The following EFEMP1 variants were observed in gnomAD, a reference collection of about 807,000 sequenced individuals.
The protein encoded by EFEMP1 is EGF-like fibulin extracellular matrix protein 1.
Under a neutral mutation model 65.7 loss-of-function variants are expected in EFEMP1, and 18 were observed. The observed-to-expected ratio is 0.27, with a 90% confidence interval of 0.19 to 0.41. The LOEUF is 0.41. Ranked by LOEUF, EFEMP1 falls within the 10% of genes least tolerant of loss-of-function variation. EFEMP1 has a pLI of 1.00. For synonymous variants in EFEMP1, 237 were observed against 219.7 expected (o/e 1.08, Z -0.70); for missense variants, 469 against 624.8 (o/e 0.75, Z 2.66).
chr2:55,867,270 A>C lies in EFEMP1; in HGVS notation c.1321-36T>G, dbSNP rs776479514. On this transcript the variant is annotated intron_variant, in intron 11 of 11. Coordinates refer to ENST00000355426, the MANE Select transcript of EFEMP1 (RefSeq NM_001039348.3). This position sits in a 1 kb window ranked among gnomAD's most constrained non-coding sequence, Gnocchi z 4.3. Reference sequence around the variant, plus strand: ...AGAAAATAGAGAAAGGAAGAGAATAATTTTCTTGGATTGGAGTTTCTATGC... The same window carrying C: ...AGAAAATAGAGAAAGGAAGAGAATACTTTTCTTGGATTGGAGTTTCTATGC... 18 of 1,603,010 alleles carry C rather than the reference A, an allele frequency of 1.1e-5. No homozygotes were observed. The highest frequency in any genetic ancestry group is 1.4e-5 in the Non-Finnish European group (16 of 1,173,922).
In EFEMP1 at chr2:55,917,813, A is replaced by T; in HGVS notation, c.369T>A (p.Ala123=). ...TCTGCATTTCAGGGCCTGCGACTGC[A>T]GCAGCACTGGCCACAAAACCACCCC... The part of the protein sequence containing the change: ...LPGGGFVASA[A]AVAGPEMQTG... The change falls in exon 5 of 12, where the codon GCT becomes GCA. Residue 123 remains alanine, a synonymous_variant. Coordinates refer to ENST00000355426, the MANE Select transcript of EFEMP1 (RefSeq NM_001039348.3). This position sits in a 1 kb window ranked among gnomAD's most constrained non-coding sequence, Gnocchi z 6.3. 2 of 1,614,224 alleles carry T rather than the reference A, an allele frequency of 1.2e-6. No homozygotes were observed. Among genetic ancestry groups the T allele is most frequent in the Non-Finnish European group, 1.7e-6 (2 of 1,180,036 alleles).
chr2:55,883,425 G>A lies in EFEMP1; in HGVS notation c.518-1691C>T, dbSNP rs534196961. ...ACTTGATGAAAACCTTTTTACTGGG[G>A]TTTCTTCAGAGCTTTATGACTCGTT... is the stretch of plus-strand genomic sequence containing the variant. On this transcript the variant is annotated intron_variant, in intron 5 of 11. Coordinates refer to ENST00000355426, the MANE Select transcript of EFEMP1 (RefSeq NM_001039348.3). This position sits in a 1 kb window ranked among gnomAD's most constrained non-coding sequence, Gnocchi z 4.5. Among the ~76,000 whole-genome samples the A allele has an allele frequency of 3.9e-4, 59 of 152,270 alleles. No homozygotes were observed. Among genetic ancestry groups the A allele is most frequent in the African/African-American group, 1.4e-3 (57 of 41,556 alleles).
chr2:55,888,482 C>T (rs547387705), intron 5 of EFEMP1, among the ~76,000 whole-genome samples: 5 of 151,876 alleles, frequency 3.3e-5, no homozygotes, highest in Admixed American at 6.5e-5. Context: ...GGATTACAGG[C>T]GCCCACCACC....
rs1668762454 is a variant in EFEMP1 at position 55,870,527 on chromosome 2, T to G, written c.1320+193A>C. Among the ~76,000 whole-genome samples, 1 of 152,108 alleles carries G rather than the reference T, an allele frequency of 6.6e-6. No individual in the cohort carries two copies. Among genetic ancestry groups the G allele is most frequent in the Non-Finnish European group, 1.5e-5 (1 of 68,008 alleles). On this transcript the variant is annotated intron_variant, in intron 11 of 11. Coordinates refer to ENST00000355426, the MANE Select transcript of EFEMP1 (RefSeq NM_001039348.3). The surrounding 1 kb of genome is among the most constrained non-coding windows in gnomAD (Gnocchi z 5.8). ...TAAAAAATGGAGATGAATATTAATA[T>G]CTATCTGGCAGTGTTACCAAGAGGA...
chr2:55,903,358 T>A (rs1021349415), intron 5 of EFEMP1, among the ~76,000 whole-genome samples: 2 of 152,212 alleles, frequency 1.3e-5, no homozygotes, highest in Non-Finnish European at 2.9e-5. Flanking sequence ...TTTGACTCTA[T>A]CCAGATTATA....
intron 5 of EFEMP1, among the ~76,000 whole-genome samples, chr2:55,909,682 GT>G (rs1670409537): frequency 3.3e-5 from 5 of 152,106 alleles, no homozygotes; most frequent in Non-Finnish European, 5.9e-5. Flanking sequence ...CTGAGAACAC[GT>G]TTTCTTTTTC....
intron 6 of EFEMP1, among the ~76,000 whole-genome samples, chr2:55,878,599 A>C (rs757977728): frequency 4.9e-4 from 74 of 152,292 alleles, no homozygotes; most frequent in Non-Finnish European, 1.6e-4. Context: ...GGCATGTGTA[A>C]TTTAAAACAA....
At chr2:55,887,391 C>G (rs1226829930) in intron 5 of EFEMP1, among the ~76,000 whole-genome samples, 3 of 152,154 alleles carry the variant, frequency 2.0e-5, no homozygotes, top group Admixed American at 6.5e-5. Flanking sequence ...CGTCTTTCTT[C>G]TACTTAGAAT....
At chr2:55,909,093 T>C (rs960993) in intron 5 of EFEMP1, among the ~76,000 whole-genome samples, 45,224 of 152,026 alleles carry the variant, frequency 0.3, 8,318 homozygotes, top group African/African-American at 0.52. Context: ...CAGTCTCTTT[T>C]AATAATTACT....
intron 11 of EFEMP1, among the ~76,000 whole-genome samples, chr2:55,868,038 T>G (rs1421704195): frequency 2.0e-5 from 3 of 152,218 alleles, no homozygotes; most frequent in Admixed American, 2.0e-4. Flanking sequence ...GGCTACTTGT[T>G]ATATACTCAT....
chr2:55,899,794 A>G (rs956376405), intron 5 of EFEMP1, among the ~76,000 whole-genome samples: 1 of 152,224 alleles, frequency 6.6e-6, no homozygotes, highest in Non-Finnish European at 1.5e-5. Flanking sequence ...CTCTGCTGCA[A>G]CACATTCACA....
rs182929568 is a variant in EFEMP1, at chr2:55,894,986, C to T, written c.518-13252G>A. 1.4e-3 allele frequency among the ~76,000 whole-genome samples: 210 copies of T among 152,348 alleles called. 1 individual carries two copies. Among genetic ancestry groups the T allele is most frequent in the Admixed American group, 0.013 (198 of 15,306 alleles). On this transcript the variant is annotated intron_variant, in intron 5 of 11. Coordinates refer to ENST00000355426, the MANE Select transcript of EFEMP1 (RefSeq NM_001039348.3). ...TTTTGCATTTGCCCCTGAGACCATT[C>T]TTCCAACTTGAGAACTCTGACTGCT...
At chr2:55,889,311 T>C (rs1669546024) in intron 5 of EFEMP1, among the ~76,000 whole-genome samples, 1 of 152,230 alleles carries the variant, frequency 6.6e-6, no homozygotes, top group African/African-American at 2.4e-5. Flanking sequence ...GGCATACTAC[T>C]AAATTTGGTG....
chr2:55,897,814 T>A (rs1015987319), intron 5 of EFEMP1, among the ~76,000 whole-genome samples: 2 of 152,206 alleles, frequency 1.3e-5, no homozygotes, highest in Non-Finnish European at 2.9e-5. Flanking sequence ...GTTGCTTTCC[T>A]CTATCTACAA....
At chr2:55,909,433 C>G (rs1670400262) in intron 5 of EFEMP1, among the ~76,000 whole-genome samples, 1 of 152,156 alleles carries the variant, frequency 6.6e-6, no homozygotes, top group Admixed American at 6.5e-5. Flanking sequence ...CCTTATCTTG[C>G]TAGCATTCCA....
chr2:55,873,511 A>G lies in EFEMP1; in HGVS notation c.1000+1435T>C, dbSNP rs1375578066. Among the ~76,000 whole-genome samples, 1 of 152,040 alleles carries G rather than the reference A, an allele frequency of 6.6e-6. No individual in the cohort carries two copies. The highest frequency in any genetic ancestry group is 1.5e-5 in the Non-Finnish European group (1 of 67,932). On this transcript the variant is annotated intron_variant, in intron 9 of 11. Transcript: ENST00000355426. The surrounding 1 kb of genome is among the most constrained non-coding windows in gnomAD (Gnocchi z 4.6). ...TCAATTTTTGATCAGAAACACATAG[A>G]TATTTGTTTGAAGGACTCCAGAGAA...
intron 5 of EFEMP1, among the ~76,000 whole-genome samples, chr2:55,892,611 T>C (rs1034695876): frequency 1.3e-5 from 2 of 152,178 alleles, no homozygotes; most frequent in Non-Finnish European, 2.9e-5. Context: ...ACTGTGTTCC[T>C]ATAAAGTTAC....
chr2:55,909,142 G>A (rs1047012212), intron 5 of EFEMP1, among the ~76,000 whole-genome samples: 1 of 152,104 alleles, frequency 6.6e-6, no homozygotes, highest in African/African-American at 2.4e-5. Context: ...TTATAGTTGG[G>A]AAATATACCT....
At chr2:55,910,407 A>C (rs1670439456) in intron 5 of EFEMP1, among the ~76,000 whole-genome samples, 1 of 152,206 alleles carries the variant, frequency 6.6e-6, no homozygotes, top group Non-Finnish European at 1.5e-5. Flanking sequence ...TGAATTACTT[A>C]TTTGTACATT....
Sources: gnomAD v4.1 joint callset for allele counts (sites outside exome capture counted in the v4.1 genomes callset) on GRCh38, gnomAD v4.1.1 for gene constraint, Gnocchi (gnomAD v3.1) non-coding constraint, MANE v1.5 for transcripts, NCBI Gene and HGNC (gene_info 2026-07-23, HGNC 2026-07-21) for gene names.